The following SLC36A3 variants were observed in gnomAD, a reference collection of about 807,000 sequenced individuals.
The protein encoded by SLC36A3 is solute carrier family 36 member 3.
SLC36A3 carries 35 observed loss-of-function variants against 44.3 expected under a neutral mutation model. That is an observed-to-expected ratio of 0.79 (90% CI 0.60 to 1.05). The LOEUF is 1.05. SLC36A3 is among the 50% of genes least tolerant of loss of function. SLC36A3 has a pLI of 0.00. For missense variants in SLC36A3, 540 were observed against 578.7 expected, an observed-to-expected ratio of 0.93 and a Z score of 0.69; for synonymous variants, 211 against 227.6, an observed-to-expected ratio of 0.93 and a Z score of 0.66.
intron 3 of SLC36A3, among the ~76,000 whole-genome samples, chr5:151,294,414 G>A (rs534385490): frequency 9.9e-5 from 15 of 152,234 alleles, no homozygotes; most frequent in African/African-American, 3.6e-4. Context: ...GGGTGACAGG[G>A]GCTGAGTATA....
At chr5:151,287,125 G>A in intron 6 of SLC36A3, 121 bp downstream of exon 6, 2 of 895,934 alleles carry the variant, frequency 2.2e-6, no homozygotes, top group Non-Finnish European at 3.4e-6. Context: ...ATGTTGGCAG[G>A]GGCTGCTCAG....
At chr5:151,284,949 G>A (rs1754477551) in intron 6 of SLC36A3, among the ~76,000 whole-genome samples, 1 of 152,102 alleles carries the variant, frequency 6.6e-6, no homozygotes, top group Non-Finnish European at 1.5e-5. Flanking sequence ...GTAATATGAA[G>A]AACATTCACG....
At chr5:151,285,572 T>C (rs1349634865) in intron 6 of SLC36A3, among the ~76,000 whole-genome samples, 3 of 152,226 alleles carry the variant, frequency 2.0e-5, no homozygotes, top group African/African-American at 7.2e-5. Flanking sequence ...GGTAGAATAA[T>C]GGTTCCCCAA....
At chr5:151,299,186 G>T (rs1755064702) in intron 1 of SLC36A3, among the ~76,000 whole-genome samples, 1 of 144,494 alleles carries the variant, frequency 6.9e-6, no homozygotes. Context: ...TCATCCATTT[G>T]TTCAACCAAT....
At chr5:151,282,107 C>CTTTTTTT (rs1221489311) in intron 8 of SLC36A3, among the ~76,000 whole-genome samples, 1 of 75,596 alleles carries the variant, frequency 1.3e-5, no homozygotes, top group African/African-American at 5.8e-5. Context: ...TTTTCTTTTT[C>CTTTTTTT]TTTGTTTTTT....
At chr5:151,282,968 T>A (rs774492749) in intron 8 of SLC36A3, among the ~76,000 whole-genome samples, 1 of 151,488 alleles carries the variant, frequency 6.6e-6, no homozygotes, top group Non-Finnish European at 1.5e-5. Context: ...CACTGCAACC[T>A]CTGCCTCACA....
At chr5:151,299,258 C>CTATA (rs1488673598) in intron 1 of SLC36A3, among the ~76,000 whole-genome samples, 42 of 68,046 alleles carry the variant, frequency 6.2e-4, no homozygotes, top group African/African-American at 1.5e-3. Context: ...CTCTCTCTCT[C>CTATA]TCTCTCTATA....
chr5:151,301,574 C>T (rs542272292), intron 1 of SLC36A3, among the ~76,000 whole-genome samples: 1 of 152,218 alleles, frequency 6.6e-6, no homozygotes, highest in South Asian at 2.1e-4. Flanking sequence ...TCCCCACTTC[C>T]CAAGCTCCTA....
In SLC36A3 at chr5:151,287,315, G is replaced by A. The variant is rs1412783549; in HGVS notation, c.639C>T (p.Ser213=). The A allele has an allele frequency of 3.7e-6, 6 of 1,614,120 alleles. No homozygotes were observed. The highest frequency in any genetic ancestry group is 1.7e-5 in the Admixed American group (1 of 60,012). Residue 213 remains serine (S), a synonymous_variant, in exon 6 of 10, where the codon TCC becomes TCT. Transcript: ENST00000335230. ...LVFIQNLKVL[S]VFSTLANITT... is the part of the protein sequence containing the mutation. ...TGATGTTGGCCAATGTCGAGAAGAC[G>A]GACAGCACCTTGAGGTTCTGGATAA... is the stretch of plus-strand genomic sequence containing the variant.
intron 6 of SLC36A3, 22 bp downstream of exon 6, chr5:151,287,224 C>G: frequency 6.2e-7 from 1 of 1,612,700 alleles, no homozygotes; most frequent in Admixed American, 1.7e-5. Context: ...GACCCTGATC[C>G]TTTCTTCCCT....
chr5:151,296,567 G>A (rs1052507535), intron 2 of SLC36A3: 11 of 416,466 alleles, frequency 2.6e-5, no homozygotes, highest in African/African-American at 2.2e-4. Context: ...AGAGTCCCTT[G>A]TGGTAAATTT....
At chr5:151,298,487 G>T in intron 2 of SLC36A3, 106 bp downstream of exon 2, 2 of 1,090,570 alleles carry the variant, frequency 1.8e-6, no homozygotes, top group South Asian at 1.5e-5. Context: ...CAATTGCAGA[G>T]GGTACCCCCA....
At chr5:151,279,113 C>G (rs143493319) in intron 9 of SLC36A3, among the ~76,000 whole-genome samples, 1 of 151,680 alleles carries the variant, frequency 6.6e-6, no homozygotes, top group Non-Finnish European at 1.5e-5. Context: ...GTTCCCTTCC[C>G]GTGGTACATT....
chr5:151,290,808 T>C (rs1580816459), intron 4 of SLC36A3, among the ~76,000 whole-genome samples: 1 of 152,016 alleles, frequency 6.6e-6, no homozygotes, highest in East Asian at 1.9e-4. Context: ...GGCAGGAGAA[T>C]GGCATGAACC....
Position 151,277,040 on chromosome 5 carries a change from C to T in SLC36A3, c.*353G>A. 8.3e-6 allele frequency: 2 copies of T among 239,670 alleles called. No homozygotes were observed. Among genetic ancestry groups the T allele is most frequent in the South Asian group, 1.6e-4 (2 of 12,530 alleles). The allele number at this position is 239,670 out of a possible 1,614,324, so 14.8% of individuals were successfully genotyped here. A position where few individuals can be genotyped will look rare whatever the true frequency, so the allele number is the denominator to read the frequency against. Reference sequence around the variant, plus strand: ...TTTTCTAAATCTGATGCTTTAAGGGCAGCTACTGCAGTGTAGAGAAAACAG... The same window carrying T: ...TTTTCTAAATCTGATGCTTTAAGGGTAGCTACTGCAGTGTAGAGAAAACAG... On this transcript the variant is annotated 3_prime_UTR_variant, in exon 10 of 10. Transcript: ENST00000335230.
chr5:151,282,120 T>G (rs1339970935), intron 8 of SLC36A3, among the ~76,000 whole-genome samples: 1 of 140,166 alleles, frequency 7.1e-6, no homozygotes, highest in Non-Finnish European at 1.5e-5. Flanking sequence ...TGTTTTTTTT[T>G]TTTTTTTTTT....
Position 151,284,609 on chromosome 5 carries a change from T to C in SLC36A3, c.807+4A>G. On this transcript the variant is annotated splice_donor_region_variant and intron_variant, in intron 7 of 9. Transcript: ENST00000335230. The stretch of plus-strand genomic sequence containing the variant: ...ACCATTCGCGTGAACCCCATCAATC[T>C]TACCATACCGACGCCTTCAAATGTG... 1 of 1,607,836 alleles carries C rather than the reference T, an allele frequency of 6.2e-7. No homozygotes were observed. Among genetic ancestry groups the C allele is most frequent in the Non-Finnish European group, 8.5e-7 (1 of 1,176,138 alleles).
At chr5:151,296,517 GC>G in intron 2 of SLC36A3, 1 of 537,012 alleles carries the variant, frequency 1.9e-6, no homozygotes, top group Non-Finnish European at 3.3e-6. Flanking sequence ...TTCCCACATA[GC>G]CCATGCATTT....
Position 151,277,158 on chromosome 5 carries a change from T to G in SLC36A3, c.*235A>C. The G allele has an allele frequency of 1.8e-6, 1 of 550,158 alleles. No homozygotes were observed. The highest frequency in any genetic ancestry group is 3.2e-6 in the Non-Finnish European group (1 of 313,932). The allele number at this position is 550,158 out of a possible 1,614,324, so 34.1% of individuals were successfully genotyped here. On this transcript the variant is annotated 3_prime_UTR_variant, in exon 10 of 10. Transcript: ENST00000335230. ...AAAATGAGGCTGATAATATGAATAG[T>G]TGAATCTAATTTTGGTTCAGAGGTA...
Sources: allele counts gnomAD v4.1 joint callset (sites outside exome capture counted in the v4.1 genomes callset), GRCh38; gene constraint gnomAD v4.1.1; transcripts MANE v1.5; gene names NCBI Gene and HGNC (gene_info 2026-07-23, HGNC 2026-07-21).